FRMPD1: variants seen among roughly 807,000 people sequenced by gnomAD.
FRMPD1 encodes FERM and PDZ domain-containing protein 1.
A neutral mutation model predicts 117.8 loss-of-function variants in FRMPD1; 76 were observed. The ratio of observed to expected loss-of-function variants is 0.65; its 90% CI spans 0.54 to 0.78. The LOEUF is 0.78. FRMPD1 is among the 30% of genes least tolerant of loss of function. The pLI, the probability that FRMPD1 is intolerant of heterozygous loss-of-function variation, is 0.00. For missense variants in FRMPD1, 1,786 were observed against 1,964.5 expected (o/e 0.91, Z 1.72); for synonymous variants, 783 against 770.4 (o/e 1.02, Z -0.27).
At chr9:37,708,775 A>C (rs1822805452) in intron 4 of FRMPD1, among the ~76,000 whole-genome samples, 1 of 152,228 alleles carries the variant, frequency 6.6e-6, no homozygotes, top group African/African-American at 2.4e-5. Flanking sequence ...CACCGTGCTA[A>C]GCATGCAGGG....
chr9:37,658,057 T>C (rs528594136), intron 1 of FRMPD1, among the ~76,000 whole-genome samples: 2 of 152,138 alleles, frequency 1.3e-5, no homozygotes, highest in Non-Finnish European at 2.9e-5. Context: ...CTATGACAGC[T>C]AGTTAGGCCA....
At chr9:37,629,109 G>A in the FRMPD1 span, among the ~76,000 whole-genome samples, 1 of 152,158 alleles carries the variant, frequency 6.6e-6, no homozygotes, top group South Asian at 2.1e-4. Flanking sequence ...TGAGGCAGGA[G>A]AATCGCTTGA....
intron 1 of FRMPD1, among the ~76,000 whole-genome samples, chr9:37,660,001 G>A (rs1820954050): frequency 6.6e-6 from 1 of 151,524 alleles, no homozygotes; most frequent in Non-Finnish European, 1.5e-5. Flanking sequence ...GAGAAAGCAG[G>A]GGGAGGGTAG....
At chr9:37,673,932 G>A (rs116575907) in intron 1 of FRMPD1, among the ~76,000 whole-genome samples, 2,293 of 152,336 alleles carry the variant, frequency 0.015, 62 homozygotes, top group African/African-American at 0.051. Context: ...CTCTGTGCCT[G>A]TGATGGAAGG....
chr9:37,700,948 C>A lies in FRMPD1; in HGVS notation c.102-6468C>A, dbSNP rs529399114. ...GAGGAGGAAATGTTGTTACAGAGAT[C>A]ATTTCCTTTAGCTTACTGTCAATAT... is the stretch of plus-strand genomic sequence containing the variant. On this transcript the variant is annotated intron_variant, in intron 2 of 15. Transcript: ENST00000377765. Among the ~76,000 whole-genome samples the A allele has an allele frequency of 4.6e-5, 7 of 152,292 alleles. No individual in the cohort carries two copies. In the South Asian group the frequency reaches 1.2e-3, roughly 27 times the overall value.
At chr9:37,637,507 A>C in the FRMPD1 span, among the ~76,000 whole-genome samples, 216 of 152,292 alleles carry the variant, frequency 1.4e-3, 6 homozygotes, top group East Asian at 0.037. Context: ...TAGTTCCATC[A>C]GTCCCTAAAA....
chr9:37,689,523 G>A (rs1360874726), intron 1 of FRMPD1, among the ~76,000 whole-genome samples: 1 of 152,030 alleles, frequency 6.6e-6, no homozygotes, highest in Non-Finnish European at 1.5e-5. Flanking sequence ...CTGTCTTCAT[G>A]CATCTCAACA....
At position 37,744,924 on chromosome 9, in the gene FRMPD1, C is replaced by T; in HGVS notation, c.2892C>T (p.Ser964=). ...ENSGVVPAAS[S]SASTPHCSNP... ...CTGGTGTTGTCCCTGCTGCCAGCTC[C>T]TCAGCAAGCACTCCTCACTGTTCTA... Residue 964 remains serine (S), a synonymous_variant, in exon 16 of 16, where the codon TCC becomes TCT. Transcript: ENST00000377765. The T allele has an allele frequency of 6.2e-7, 1 of 1,614,214 alleles. No individual in the cohort carries two copies. Among genetic ancestry groups the T allele is most frequent in the Admixed American group, 1.7e-5 (1 of 60,024 alleles).
At chr9:37,739,935 G>A (rs10758456) in intron 14 of FRMPD1, 143 bp from the exon 15 acceptor site, 91,175 of 625,202 alleles carry the variant, frequency 0.15, 8,411 homozygotes, top group East Asian at 0.34. Flanking sequence ...TCCCGTGTTC[G>A]TCAGTATAGG....
chr9:37,716,398 C>T (rs933364031), intron 5 of FRMPD1, among the ~76,000 whole-genome samples: 2 of 152,182 alleles, frequency 1.3e-5, no homozygotes, highest in African/African-American at 2.4e-5. Flanking sequence ...ATTTTACAGT[C>T]AGGGAATTGT....
At chr9:37,616,536 T>C in the FRMPD1 span, among the ~76,000 whole-genome samples, 1 of 152,202 alleles carries the variant, frequency 6.6e-6, no homozygotes, top group African/African-American at 2.4e-5. Context: ...CCAGGGCACT[T>C]TCTGTTGCAT....
the FRMPD1 span, among the ~76,000 whole-genome samples, chr9:37,618,946 T>A: frequency 6.6e-6 from 1 of 152,218 alleles, no homozygotes; most frequent in Non-Finnish European, 1.5e-5. Context: ...GTTGCGTAGC[T>A]TTCCTCCTGT....
intron 1 of FRMPD1, among the ~76,000 whole-genome samples, chr9:37,680,421 C>A (rs951804410): frequency 2.6e-5 from 4 of 152,126 alleles, no homozygotes; most frequent in African/African-American, 9.7e-5. Flanking sequence ...CATGATCAAA[C>A]CTGTGGTTGA....
chr9:37,673,350 G>GC (rs1268810194), intron 1 of FRMPD1, among the ~76,000 whole-genome samples: 4 of 152,242 alleles, frequency 2.6e-5, no homozygotes, highest in Non-Finnish European at 5.9e-5. Context: ...TCAAGCTGAT[G>GC]CAAGAGGTGG....
chr9:37,680,244 G>A (rs1381718077), intron 1 of FRMPD1, among the ~76,000 whole-genome samples: 2 of 152,224 alleles, frequency 1.3e-5, no homozygotes, highest in African/African-American at 4.8e-5. Flanking sequence ...CTGTTAGGCA[G>A]ATGGGAAATG....
At chr9:37,649,379 T>C (rs1820598690), upstream of FRMPD1, among the ~76,000 whole-genome samples, 1 of 152,222 alleles carries the variant, frequency 6.6e-6, no homozygotes, top group Non-Finnish European at 1.5e-5. Context: ...ACCCTTATGG[T>C]GCTTCTGTCT....
At chr9:37,743,193 C>T (rs1281162232) in intron 15 of FRMPD1, among the ~76,000 whole-genome samples, 3 of 151,586 alleles carry the variant, frequency 2.0e-5, no homozygotes, top group Non-Finnish European at 4.4e-5. Context: ...AGAGTTGTGG[C>T]CCCTTTACAT....
rs113548445 is a variant in FRMPD1, at chr9:37,744,767, A to G, written c.2735A>G (p.Lys912Arg). 10 of 1,614,180 alleles carry G rather than the reference A, an allele frequency of 6.2e-6. No individual in the cohort carries two copies. The highest frequency in any genetic ancestry group is 1.7e-5 in the Admixed American group (1 of 60,026). ...LGLLAPLRETKSTNPASRVME... is the reference protein window; with the variant it reads ...LGLLAPLRETRSTNPASRVME... ...CTGCTGGCTCCTCTGAGGGAGACCA[A>G]GAGCACAAACCCAGCCTCCAGGGTC... Residue 912 changes from lysine to arginine, a missense_variant, in exon 16 of 16, where the codon AAG (lysine) becomes AGG (arginine). Lys to Arg is a conservative substitution (Grantham distance 26). Transcript: ENST00000377765.
chr9:37,667,447 C>G (rs1248001580), intron 1 of FRMPD1, among the ~76,000 whole-genome samples: 1 of 148,652 alleles, frequency 6.7e-6, no homozygotes, highest in Non-Finnish European at 1.5e-5. Flanking sequence ...CTGAGGCGGG[C>G]GGGTTGCTTG....
Sources: gnomAD v4.1 joint callset for allele counts (sites outside exome capture counted in the v4.1 genomes callset) on GRCh38, gnomAD v4.1.1 for gene constraint, MANE v1.5 for transcripts, NCBI Gene and HGNC (gene_info 2026-07-23, HGNC 2026-07-21) for gene names.